Variants in RPTOR observed in about 807,000 individuals in gnomAD.
The protein encoded by RPTOR is regulatory-associated protein of mTOR.
RPTOR carries 21 observed loss-of-function variants against 169.9 expected under a neutral mutation model. That is an observed-to-expected ratio of 0.12 (90% CI 0.09 to 0.18). RPTOR has a LOEUF of 0.18. RPTOR is among the 10% of genes least tolerant of loss of function. The probability of loss-of-function intolerance (pLI) is 1.00; values close to 1 mark genes in which losing one functional copy is unlikely to be tolerated. For missense variants in RPTOR, 1,133 were observed against 1,855.9 expected (o/e 0.61, Z 7.16); for synonymous variants, 732 against 753.2 (o/e 0.97, Z 0.46).
chr17:80,722,082 T>G (rs1055481014), intron 4 of RPTOR, among the ~76,000 whole-genome samples: 1 of 151,178 alleles, frequency 6.6e-6, no homozygotes, highest in African/African-American at 2.5e-5. Context: ...TCATTTTTTT[T>G]CAAATGGTGC....
At chr17:80,930,364 C>CAGCTCATT (rs2068873354) in intron 24 of RPTOR, among the ~76,000 whole-genome samples, 1 of 55,320 alleles carries the variant, frequency 1.8e-5, no homozygotes, top group South Asian at 5.4e-4. Context: ...CCCAGCTCAT[C>CAGCTCATT]CTCAGCTCAT....
chr17:80,691,603 C>T (rs1410255819), intron 3 of RPTOR, among the ~76,000 whole-genome samples: 1 of 152,152 alleles, frequency 6.6e-6, no homozygotes, highest in Non-Finnish European at 1.5e-5. Context: ...ATGCAGTTCT[C>T]GCGGTCCTCA....
intron 6 of RPTOR, among the ~76,000 whole-genome samples, chr17:80,786,624 A>AGCCGCAGCAGCTGGATTGGCT (rs2066994688): frequency 6.6e-6 from 1 of 152,180 alleles, no homozygotes; most frequent in African/African-American, 2.4e-5. Context: ...AGAATGGAAG[A>AGCCGCAGCAGCTGGATTGGCT]GCCGCAGCAG....
chr17:80,740,447 A>C (rs1364728296), intron 5 of RPTOR, among the ~76,000 whole-genome samples: 2 of 152,204 alleles, frequency 1.3e-5, no homozygotes, highest in Admixed American at 6.5e-5. Context: ...CTAATGCCAA[A>C]ACCAGACACA....
At chr17:80,796,171 C>T (rs1160640462) in intron 7 of RPTOR, among the ~76,000 whole-genome samples, 1 of 152,160 alleles carries the variant, frequency 6.6e-6, no homozygotes, top group Non-Finnish European at 1.5e-5. Context: ...TATTAGGGTT[C>T]TCTAGAGGGA....
rs898294268 is a variant in RPTOR, at chr17:80,953,282, C to G, written c.3370+3735C>G. On this transcript the variant is annotated intron_variant, in intron 28 of 33. Coordinates refer to ENST00000306801, the MANE Select transcript of RPTOR (RefSeq NM_020761.3). ...TTTCTTCCCATAGATTCTTATTTATCTATTTTTGAGACAGGTTCTTGCTGT... is the reference window on the plus strand; with the variant it reads ...TTTCTTCCCATAGATTCTTATTTATGTATTTTTGAGACAGGTTCTTGCTGT... Among the ~76,000 whole-genome samples the G allele has an allele frequency of 7.2e-5, 11 of 152,114 alleles. No homozygotes were observed. In the East Asian group the frequency reaches 2.1e-3, roughly 29 times the overall value.
chr17:80,685,177 GA>G (rs2065928582), intron 3 of RPTOR, among the ~76,000 whole-genome samples: 2 of 151,948 alleles, frequency 1.3e-5, no homozygotes, highest in South Asian at 4.2e-4. Flanking sequence ...ACCTCATTCG[GA>G]GTCACCCCTC....
Position 80,708,873 on chromosome 17 carries a change from T to C in RPTOR, c.507+874T>C. 1.1e-6 allele frequency: 1 copy of C among 944,212 alleles called. No individual in the cohort carries two copies. The highest frequency in any genetic ancestry group is 1.3e-6 in the Non-Finnish European group (1 of 792,114). 58.5% of individuals were successfully genotyped at this position (944,212 alleles called of 1,614,324 possible). On this transcript the variant is annotated intron_variant, in intron 4 of 33. Coordinates refer to ENST00000306801, the MANE Select transcript of RPTOR (RefSeq NM_020761.3). The surrounding 1 kb of genome is among the most constrained non-coding windows in gnomAD (Gnocchi z 4.2). ...AATCCAGCAAATCCGAGTCCCAGTT[T>C]CGGTTGTGCTGTCAGCCTCCTGGGC...
intron 5 of RPTOR, among the ~76,000 whole-genome samples, chr17:80,737,891 C>T (rs1423950232): frequency 6.6e-6 from 1 of 150,572 alleles, no homozygotes; most frequent in East Asian, 2.0e-4. Flanking sequence ...GCTGCCATTT[C>T]CACTGTCTAT....
intron 6 of RPTOR, among the ~76,000 whole-genome samples, chr17:80,758,402 G>A (rs1226566465): frequency 6.6e-6 from 1 of 152,154 alleles, no homozygotes; most frequent in African/African-American, 2.4e-5. Context: ...TTTGAATGCT[G>A]CCCAGAGGAC....
intron 7 of RPTOR, among the ~76,000 whole-genome samples, chr17:80,810,683 T>A (rs2067264055): frequency 6.6e-6 from 1 of 152,200 alleles, no homozygotes; most frequent in South Asian, 2.1e-4. Context: ...CTGCTGAGAT[T>A]TTGACTGGAA....
intron 4 of RPTOR, among the ~76,000 whole-genome samples, chr17:80,709,314 A>AGCT (rs2066166753): frequency 6.6e-6 from 1 of 152,180 alleles, no homozygotes; most frequent in Admixed American, 6.5e-5. Context: ...TGTCTTTCTC[A>AGCT]GCTGCAGTCT....
intron 24 of RPTOR, among the ~76,000 whole-genome samples, chr17:80,937,437 C>T (rs894462558): frequency 6.6e-6 from 1 of 152,208 alleles, no homozygotes; most frequent in South Asian, 2.1e-4. Flanking sequence ...TCTAATCTCC[C>T]TTTATTCCTG....
chr17:80,882,738 A>G (rs1372410374), intron 14 of RPTOR, among the ~76,000 whole-genome samples: 7 of 152,370 alleles, frequency 4.6e-5, no homozygotes, highest in Admixed American at 3.9e-4. Context: ...TGGCACATCT[A>G]TAGATTTGTA....
chr17:80,684,840 G>C (rs1598219355), intron 3 of RPTOR, among the ~76,000 whole-genome samples: 2 of 152,174 alleles, frequency 1.3e-5, no homozygotes, highest in Non-Finnish European at 1.5e-5. Flanking sequence ...GCGTGTCCTG[G>C]AAATCACTCC....
intron 18 of RPTOR, among the ~76,000 whole-genome samples, 182 bp from the exon 19 acceptor site, chr17:80,892,547 G>C (rs931875823): frequency 7.2e-5 from 11 of 152,248 alleles, no homozygotes; most frequent in Non-Finnish European, 1.6e-4. Flanking sequence ...TTTGTCCAGT[G>C]CTATCCCGCA....
In RPTOR at chr17:80,800,015, C is replaced by T. The variant is rs571357623; in HGVS notation, c.890+8506C>T. Among the ~76,000 whole-genome samples, 3 of 152,332 alleles carry T rather than the reference C, an allele frequency of 2.0e-5. No individual in the cohort carries two copies. In the South Asian group the frequency reaches 6.2e-4, roughly 32 times the overall value. The stretch of plus-strand genomic sequence containing the variant: ...GTGCCAGGTCTGCCAGGCCAGAGCT[C>T]TCTAGGGGTCCGTGTTGGGTAAGTG... On this transcript the variant is annotated intron_variant, in intron 7 of 33. Transcript: ENST00000306801.
intron 1 of RPTOR, among the ~76,000 whole-genome samples, chr17:80,623,917 A>G (rs1467120964): frequency 6.6e-6 from 1 of 151,990 alleles, no homozygotes; most frequent in Non-Finnish European, 1.5e-5. Flanking sequence ...TTATTTTTAG[A>G]GATGGGGTCT....
rs7216068 is a variant in RPTOR at position 80,957,040 on chromosome 17, G to A, written c.3371-584G>A. Among the ~76,000 whole-genome samples the A allele has an allele frequency of 0.012, 1,829 of 151,856 alleles. 36 individuals carry two copies. The highest frequency in any genetic ancestry group is 0.042 in the African/African-American group (1,748 of 41,424). ...CTCAGAGTTCCAGCTCAGAATTGTCGCCCCAGCCTGGACTTGGGAGTTCCA... is the reference window on the plus strand; with the variant it reads ...CTCAGAGTTCCAGCTCAGAATTGTCACCCCAGCCTGGACTTGGGAGTTCCA... On this transcript the variant is annotated intron_variant, in intron 28 of 33. Coordinates refer to ENST00000306801, the MANE Select transcript of RPTOR (RefSeq NM_020761.3). The surrounding 1 kb of genome is among the most constrained non-coding windows in gnomAD (Gnocchi z 4.6).
Sources: allele counts gnomAD v4.1 joint callset (sites outside exome capture counted in the v4.1 genomes callset), GRCh38; gene constraint gnomAD v4.1.1; non-coding constraint Gnocchi (gnomAD v3.1); transcripts MANE v1.5; gene names NCBI Gene and HGNC (gene_info 2026-07-23, HGNC 2026-07-21).